The following CFAP47 variants were observed in gnomAD, a reference collection of about 807,000 sequenced individuals.
CFAP47 encodes cilia and flagella associated protein 47.
In CFAP47, 29 loss-of-function variants were observed where a neutral mutation model predicts 148.1. The ratio of observed to expected loss-of-function variants is 0.20; its 90% CI spans 0.15 to 0.27. The LOEUF (loss-of-function observed/expected upper bound fraction) is 0.27, where lower values mean the gene tolerates loss of function less well. CFAP47 is among the 10% of genes least tolerant of loss of function. CFAP47 has a pLI of 1.00. For synonymous variants in CFAP47, 664 were observed against 577.3 expected (o/e 1.15, Z -2.15); for missense variants, 1,872 against 1,697.5 (o/e 1.10, Z -1.81).
At chrX:36,379,284 A>T (rs1942054873) in intron 62 of CFAP47, 66 bp from the exon 63 acceptor site, 1 of 986,792 alleles carries the variant, frequency 1.0e-6, no homozygotes, top group Non-Finnish European at 1.4e-6. Context: ...CTACTCATCA[A>T]GTTCTCACAA....
chrX:36,130,870 A>C (rs771398036), intron 33 of CFAP47, among the ~76,000 whole-genome samples: 1 of 111,376 alleles, frequency 9.0e-6, no homozygotes, highest in Non-Finnish European at 1.9e-5. Flanking sequence ...TGGAATCTAA[A>C]TATCAGAACA....
At chrX:36,172,964 C>G (rs1211699703) in intron 39 of CFAP47, among the ~76,000 whole-genome samples, 5 of 110,927 alleles carry the variant, frequency 4.5e-5, no homozygotes, top group Non-Finnish European at 9.5e-5. Context: ...TTGATTATTG[C>G]CACAATTTCA....
At chrX:36,211,943 C>T (rs1334931085) in intron 45 of CFAP47, among the ~76,000 whole-genome samples, 1 of 111,301 alleles carries the variant, frequency 9.0e-6, no homozygotes, top group Non-Finnish European at 1.9e-5. Flanking sequence ...TTACAATAGC[C>T]ACTAACCTTG....
chrX:36,142,412 A>G, intron 35 of CFAP47, among the ~76,000 whole-genome samples: 1 of 111,476 alleles, frequency 9.0e-6, no homozygotes, highest in Non-Finnish European at 1.9e-5. Context: ...GTAGGAAAAC[A>G]TAGTCATCAA....
rs149025161 is a variant in CFAP47 at position 35,951,345 on chromosome X, G to A, written c.871G>A (p.Val291Met). 7 of 1,180,249 alleles carry A rather than the reference G, an allele frequency of 5.9e-6. No individual in the cohort carries two copies. In the East Asian group the frequency reaches 8.9e-5, roughly 15 times the overall value. ...GGTGGCCATCATACAAGATGATGCCGTGGGAGAAGAATTGGTAAGTAAGTG... is the reference window on the plus strand; with the variant it reads ...GGTGGCCATCATACAAGATGATGCCATGGGAGAAGAATTGGTAAGTAAGTG... ...NWVAIIQDDA[V>M]GEELGTDIQQ... Residue 291 changes from valine to methionine, a missense_variant, in exon 5 of 64, where the codon GTG becomes ATG. Val to Met is a conservative substitution (Grantham distance 21, BLOSUM62 1). Transcript: ENST00000378653.
At chrX:35,999,338 A>C (rs1260650934) in intron 19 of CFAP47, among the ~76,000 whole-genome samples, 1 of 111,792 alleles carries the variant, frequency 8.9e-6, no homozygotes, top group Non-Finnish European at 1.9e-5. Context: ...TAATTCTATC[A>C]CTAAGAAACT....
At chrX:36,167,641 G>C (rs756781697) in intron 39 of CFAP47, among the ~76,000 whole-genome samples, 34 of 111,056 alleles carry the variant, frequency 3.1e-4, no homozygotes, top group Admixed American at 2.6e-3. Context: ...GAAGATGTTG[G>C]TATCCCATGC....
intron 33 of CFAP47, among the ~76,000 whole-genome samples, chrX:36,136,508 T>C (rs926520398): frequency 1.8e-5 from 2 of 110,854 alleles, no homozygotes; most frequent in African/African-American, 3.3e-5. Context: ...AAGTGAAATA[T>C]TTTGCTTTTA....
chrX:35,972,285 A>G (rs1396059971), intron 13 of CFAP47, among the ~76,000 whole-genome samples: 3 of 110,604 alleles, frequency 2.7e-5, no homozygotes, highest in African/African-American at 9.9e-5. Context: ...GCTGGAGTGC[A>G]GTGGCATGAT....
chrX:36,061,360 G>A (rs1372444536), intron 26 of CFAP47, among the ~76,000 whole-genome samples: 1 of 111,681 alleles, frequency 9.0e-6, no homozygotes, highest in African/African-American at 3.3e-5. Flanking sequence ...AATACACTTC[G>A]TAACTCTATT....
At chrX:36,317,498 C>T (rs1251937206) in intron 56 of CFAP47, among the ~76,000 whole-genome samples, 1 of 109,136 alleles carries the variant, frequency 9.2e-6, no homozygotes, top group African/African-American at 3.3e-5. Flanking sequence ...CAAGCTCCGC[C>T]TCCTAGGTTC....
At chrX:36,067,358 A>G (rs1390835206) in intron 27 of CFAP47, among the ~76,000 whole-genome samples, 1 of 111,228 alleles carries the variant, frequency 9.0e-6, no homozygotes, top group Non-Finnish European at 1.9e-5. Context: ...TTTTTTCTCT[A>G]TATACCCCAT....
chrX:35,992,090 T>A (rs1391707460), intron 17 of CFAP47, 147 bp downstream of exon 17: 1 of 268,215 alleles, frequency 3.7e-6, no homozygotes, highest in African/African-American at 2.8e-5. Flanking sequence ...TTTGTCCTCT[T>A]AATTTCTTGT....
intron 2 of CFAP47, among the ~76,000 whole-genome samples, chrX:35,937,717 A>G (rs981501695): frequency 4.5e-5 from 5 of 110,806 alleles, no homozygotes; most frequent in African/African-American, 1.6e-4. Context: ...AGTTAGTCCA[A>G]CTGGATCTGA....
intron 53 of CFAP47, among the ~76,000 whole-genome samples, chrX:36,302,346 AC>A (rs60624156): frequency 0.011 from 1,244 of 111,199 alleles, 8 homozygotes; most frequent in Non-Finnish European, 0.018. Flanking sequence ...TTATACATAT[AC>A]TTTATATAAA....
chrX:36,055,333 A>G (rs1937546797), intron 26 of CFAP47, among the ~76,000 whole-genome samples: 1 of 110,194 alleles, frequency 9.1e-6, no homozygotes, highest in South Asian at 3.9e-4. Flanking sequence ...CTCCCCACTG[A>G]CAGGCCCCAG....
intron 56 of CFAP47, among the ~76,000 whole-genome samples, chrX:36,316,336 A>T (rs1332259152): frequency 8.9e-6 from 1 of 112,323 alleles, no homozygotes; most frequent in African/African-American, 3.2e-5. Context: ...AGTGAATTTC[A>T]CTGTGTTGTG....
intron 34 of CFAP47, 133 bp from the exon 35 acceptor site, chrX:36,138,215 G>A (rs1205943632): frequency 1.4e-5 from 10 of 711,558 alleles, no homozygotes; most frequent in Middle Eastern, 4.9e-4. Flanking sequence ...GTTTATTCTT[G>A]CATTTTGATT....
At chrX:35,923,861 A>G (rs920766698) in intron 1 of CFAP47, among the ~76,000 whole-genome samples, 1 of 101,228 alleles carries the variant, frequency 9.9e-6, no homozygotes, top group African/African-American at 3.8e-5. Flanking sequence ...GTATATATAT[A>G]TGTACATATA....
Sources: allele counts gnomAD v4.1 joint callset (sites outside exome capture counted in the v4.1 genomes callset), GRCh38; gene constraint gnomAD v4.1.1; transcripts MANE v1.5; gene names NCBI Gene and HGNC (gene_info 2026-07-23, HGNC 2026-07-21).